COL27A1: variants seen among roughly 807,000 people sequenced by gnomAD.
COL27A1 encodes the protein collagen type XXVII alpha 1 chain, also known as collagen alpha-1(XXVII) chain.
In COL27A1, 106 loss-of-function variants were observed where a neutral mutation model predicts 251.3. The observed-to-expected ratio is 0.42, with a 90% CI of 0.36 to 0.50. The LOEUF (loss-of-function observed/expected upper bound fraction) is 0.50. COL27A1 is among the 20% of genes least tolerant of loss of function. The pLI is 0.00. For synonymous variants in COL27A1, 1,000 were observed against 986.3 expected, an observed-to-expected ratio of 1.01 and a Z score of -0.26; for missense variants, 2,325 against 2,522.8, an observed-to-expected ratio of 0.92 and a Z score of 1.68.
intron 14 of COL27A1, among the ~76,000 whole-genome samples, chr9:114,222,593 G>A (rs989562497): frequency 7.9e-5 from 12 of 152,208 alleles, no homozygotes; most frequent in African/African-American, 2.9e-4. Context: ...TTTCACACCT[G>A]CTGCGTGCAT....
In COL27A1 at chr9:114,168,139, G is replaced by T. The variant is rs770478168; in HGVS notation, c.584G>T (p.Gly195Val). Residue 195 changes from glycine (G) to valine (V), a missense_variant, in exon 3 of 61, where the codon GGC (glycine) becomes GTC (valine). Coordinates refer to ENST00000356083, the MANE Select transcript of COL27A1 (RefSeq NM_032888.4). The part of the protein sequence containing the change: ...FHRDPALDPG[G>V]SFLFGKMNPH... ...AGGGACCCTGCACTCGACCCTGGGG[G>T]CTCCTTCCTCTTTGGGAAGATGAAC... is the stretch of plus-strand genomic sequence containing the variant. 8 of 1,612,988 alleles carry T rather than the reference G, an allele frequency of 5.0e-6. No homozygotes were observed. The Admixed American group carries it at 1.0e-4, about 20-fold the overall frequency.
At chr9:114,216,293 C>G (rs906534203) in intron 12 of COL27A1, among the ~76,000 whole-genome samples, 15 of 152,366 alleles carry the variant, frequency 9.8e-5, no homozygotes, top group African/African-American at 3.1e-4. Flanking sequence ...TTCCTTGGGC[C>G]TGGGGCCAGC....
rs116018943 is a variant in COL27A1 at position 114,269,963 on chromosome 9, A to G, written c.3555+669A>G. ...CAAACTTAATTTGATGGCCATTTCAAGAACTGTTGTCCAGGGGCGTCTCTA... is the reference window on the plus strand; with the variant it reads ...CAAACTTAATTTGATGGCCATTTCAGGAACTGTTGTCCAGGGGCGTCTCTA... On this transcript the variant is annotated intron_variant, in intron 35 of 60. Transcript: ENST00000356083. Among the ~76,000 whole-genome samples the G allele has an allele frequency of 7.2e-3, 1,098 of 152,336 alleles. 16 individuals are homozygous for G. Among genetic ancestry groups the G allele is most frequent in the African/African-American group, 0.025 (1,044 of 41,572 alleles).
chr9:114,194,059 G>A (rs1046249189), intron 5 of COL27A1, among the ~76,000 whole-genome samples: 12 of 152,184 alleles, frequency 7.9e-5, no homozygotes, highest in South Asian at 2.1e-4. Context: ...TGGCTGGGGC[G>A]TGGGCTGTGG....
intron 14 of COL27A1, among the ~76,000 whole-genome samples, chr9:114,227,725 G>T (rs1831589064): frequency 6.6e-6 from 1 of 152,138 alleles, no homozygotes; most frequent in Non-Finnish European, 1.5e-5. Context: ...GAGACGAAGG[G>T]CACAGCGTGT....
At chr9:114,292,073 G>A (rs1827958544) in intron 48 of COL27A1, 30 bp from the exon 49 acceptor site, 1 of 1,544,208 alleles carries the variant, frequency 6.5e-7, no homozygotes, top group Non-Finnish European at 8.8e-7. Context: ...TTCCCACTTT[G>A]ACTGGTAATT....
At chr9:114,270,125 C>A (rs979280543) in intron 35 of COL27A1, among the ~76,000 whole-genome samples, 1 of 152,212 alleles carries the variant, frequency 6.6e-6, no homozygotes, top group African/African-American at 2.4e-5. Context: ...CCAAGGAGTT[C>A]CATGCAGGCT....
intron 41 of COL27A1, among the ~76,000 whole-genome samples, chr9:114,287,722 C>A (rs1291865449): frequency 5.3e-5 from 8 of 152,126 alleles, no homozygotes; most frequent in African/African-American, 1.9e-4. Context: ...ATGGACACAG[C>A]CCCCATGCTG....
chr9:114,213,185 T>C (rs1367476890), intron 12 of COL27A1, among the ~76,000 whole-genome samples: 5 of 152,154 alleles, frequency 3.3e-5, no homozygotes, highest in Non-Finnish European at 7.4e-5. Flanking sequence ...CTCCTGAGCA[T>C]GGAAGAGGTA....
At chr9:114,222,580 C>A (rs1280370204) in intron 14 of COL27A1, among the ~76,000 whole-genome samples, 2 of 152,186 alleles carry the variant, frequency 1.3e-5, no homozygotes, top group Non-Finnish European at 2.9e-5. Context: ...ATTGCCAAAG[C>A]CCTTTCACAC....
At chr9:114,229,263 A>G (rs540348871) in intron 14 of COL27A1, among the ~76,000 whole-genome samples, 21 of 152,330 alleles carry the variant, frequency 1.4e-4, no homozygotes, top group African/African-American at 4.8e-4. Flanking sequence ...GCCAGACTCC[A>G]GTTGTTCTGG....
chr9:114,231,969 C>G, intron 16 of COL27A1, 103 bp downstream of exon 16: 1 of 1,060,848 alleles, frequency 9.4e-7, no homozygotes, highest in Non-Finnish European at 1.5e-6. Context: ...CTCCCCTGCA[C>G]TCTTCCTGCC....
intron 14 of COL27A1, among the ~76,000 whole-genome samples, chr9:114,224,044 G>C (rs2135400628): frequency 6.6e-6 from 1 of 152,268 alleles, no homozygotes; most frequent in South Asian, 2.1e-4. Context: ...GCCTTGGCTG[G>C]GGTTGAGGAA....
At chr9:114,256,173 G>A (rs762971529) in intron 27 of COL27A1, among the ~76,000 whole-genome samples, 8 of 152,148 alleles carry the variant, frequency 5.3e-5, no homozygotes, top group Non-Finnish European at 1.0e-4. Flanking sequence ...CATGTTGTCC[G>A]ATAGCACATT....
intron 12 of COL27A1, among the ~76,000 whole-genome samples, chr9:114,216,751 G>T (rs1391343456): frequency 6.6e-6 from 1 of 152,026 alleles, no homozygotes; most frequent in African/African-American, 2.4e-5. Context: ...TCATCTGCTT[G>T]ACCCCTCCAT....
chr9:114,204,993 A>G, intron 7 of COL27A1, 109 bp from the exon 8 acceptor site: 1 of 971,112 alleles, frequency 1.0e-6, no homozygotes, highest in Non-Finnish European at 1.6e-6. Context: ...TCCATCCCGG[A>G]TGCAGTACAT....
intron 7 of COL27A1, among the ~76,000 whole-genome samples, chr9:114,199,776 T>C (rs1255876491): frequency 6.6e-6 from 1 of 152,178 alleles, no homozygotes; most frequent in African/African-American, 2.4e-5. Context: ...CATCTTTGTT[T>C]CCCACGTGGG....
At position 114,169,388 on chromosome 9, in the gene COL27A1, C is replaced by T. The variant is rs986333583; in HGVS notation, c.1833C>T (p.Ile611=). The change falls in exon 3 of 61, where the codon ATC becomes ATT. Residue 611 remains isoleucine, a synonymous_variant. Coordinates refer to ENST00000356083, the MANE Select transcript of COL27A1 (RefSeq NM_032888.4). ...GGCCCACGAGCAGTGGCTATTCGAT[C>T]TTCCACCTGGCAGGATCTACGCCTT... ...SPRPTSSGYS[I]FHLAGSTPFP... 3.7e-6 allele frequency: 6 copies of T among 1,608,884 alleles called. No homozygotes were observed. The highest frequency in any genetic ancestry group is 4.2e-6 in the Non-Finnish European group (5 of 1,178,238).
At chr9:114,269,383 GCCTCAGTTT>G (rs1466395213) in intron 35 of COL27A1, 89 bp downstream of exon 35, 3 of 887,650 alleles carry the variant, frequency 3.4e-6, no homozygotes, top group Non-Finnish European at 5.2e-6. Flanking sequence ...ATCTCCCTAA[GCCTCAGTTT>G]CCTCAGTTAC....
Sources: gnomAD v4.1 joint callset for allele counts (sites outside exome capture counted in the v4.1 genomes callset) on GRCh38, gnomAD v4.1.1 for gene constraint, MANE v1.5 for transcripts, NCBI Gene and HGNC (gene_info 2026-07-23, HGNC 2026-07-21) for gene names.